RPSA2: variants seen among roughly 807,000 people sequenced by gnomAD.
RPSA2 encodes the protein ribosomal protein SA 2.
chr19:23,781,017 C>T, the RPSA2 span, among the ~76,000 whole-genome samples: 2 of 152,188 alleles, frequency 1.3e-5, no homozygotes, highest in African/African-American at 4.8e-5. Flanking sequence ...CTCTGTCACC[C>T]AGGCTGGAGT....
chr19:23,832,014 TACTA>T, the RPSA2 span: 1 of 427,088 alleles, frequency 2.3e-6, no homozygotes, highest in Non-Finnish European at 4.7e-6. Context: ...CCTCAATCCT[TACTA>T]ATAATAAGAA....
the RPSA2 span, among the ~76,000 whole-genome samples, chr19:23,822,321 G>T: frequency 6.6e-6 from 1 of 152,170 alleles, no homozygotes; most frequent in South Asian, 2.1e-4. Context: ...GACATTAAGG[G>T]TGCCTTCAGG....
At chr19:23,821,479 C>G in the RPSA2 span, among the ~76,000 whole-genome samples, 1 of 152,190 alleles carries the variant, frequency 6.6e-6, no homozygotes, top group Non-Finnish European at 1.5e-5. Context: ...TGGTCTGCCT[C>G]CCAGAGGAGG....
the RPSA2 span, among the ~76,000 whole-genome samples, chr19:23,830,008 T>A: frequency 6.6e-6 from 1 of 151,856 alleles, no homozygotes; most frequent in African/African-American, 2.4e-5. Flanking sequence ...GTAGGGCATA[T>A]GCAGTTCCAA....
chr19:23,812,695 G>A, the RPSA2 span, among the ~76,000 whole-genome samples: 3 of 152,046 alleles, frequency 2.0e-5, no homozygotes, highest in East Asian at 1.9e-4. Context: ...CACTGGGCCC[G>A]ACCTCTTAGC....
the RPSA2 span, among the ~76,000 whole-genome samples, chr19:23,866,188 G>C: frequency 6.6e-6 from 1 of 152,194 alleles, no homozygotes; most frequent in Admixed American, 6.5e-5. Context: ...TTCCTGAAGA[G>C]GGAGTTACAG....
chr19:23,870,292 C>T, the RPSA2 span, among the ~76,000 whole-genome samples: 2 of 152,184 alleles, frequency 1.3e-5, no homozygotes, highest in African/African-American at 4.8e-5. Flanking sequence ...ATGGCTACTT[C>T]AGAGTAAAAT....
chr19:23,775,125 C>G, the RPSA2 span, among the ~76,000 whole-genome samples: 1 of 152,114 alleles, frequency 6.6e-6, no homozygotes, highest in East Asian at 1.9e-4. Flanking sequence ...TATGAAGCCC[C>G]GGGTGGTACA....
the RPSA2 span, among the ~76,000 whole-genome samples, chr19:23,852,831 C>A: frequency 6.6e-6 from 1 of 152,216 alleles, no homozygotes; most frequent in African/African-American, 2.4e-5. Flanking sequence ...TTCAAAGAAT[C>A]TCTCCTAATC....
chr19:23,830,558 ACTT>A, the RPSA2 span, among the ~76,000 whole-genome samples: 1 of 129,216 alleles, frequency 7.7e-6, no homozygotes, highest in Admixed American at 8.6e-5. Context: ...AGTTTGTTGT[ACTT>A]CTTTATTTTT....
At chr19:23,844,480 T>C in the RPSA2 span, among the ~76,000 whole-genome samples, 1 of 152,156 alleles carries the variant, frequency 6.6e-6, no homozygotes, top group Non-Finnish European at 1.5e-5. Flanking sequence ...TGGCTATTTG[T>C]ATGTCTTTAT....
At chr19:23,866,843 G>A in the RPSA2 span, among the ~76,000 whole-genome samples, 1 of 152,290 alleles carries the variant, frequency 6.6e-6, no homozygotes, top group South Asian at 2.1e-4. Context: ...GGCATTTGGG[G>A]ACATTTGCCA....
the RPSA2 span, chr19:23,758,867 C>T: frequency 7.0e-7 from 1 of 1,434,608 alleles, no homozygotes; most frequent in South Asian, 1.2e-5. Flanking sequence ...AGACGAGACC[C>T]GGAGCTCGGG....
the RPSA2 span, chr19:23,809,285 A>C: frequency 1.3e-5 from 2 of 152,270 alleles, no homozygotes; most frequent in East Asian, 1.9e-4. Flanking sequence ...ATATAGTTTG[A>C]AATTATAAAG....
At chr19:23,864,925 G>A in the RPSA2 span, among the ~76,000 whole-genome samples, 3 of 152,060 alleles carry the variant, frequency 2.0e-5, no homozygotes, top group African/African-American at 2.4e-5. Context: ...AATGTGAAGG[G>A]CTCTAGAAGC....
At chr19:23,780,650 A>AAAACAAAACAAAAC in the RPSA2 span, among the ~76,000 whole-genome samples, 1 of 152,016 alleles carries the variant, frequency 6.6e-6, no homozygotes. Context: ...CAAACAAAAC[A>AAAACAAAACAAAAC]AAACAAAACA....
chr19:23,758,614 T>G, the RPSA2 span: 1 of 1,354,590 alleles, frequency 7.4e-7, no homozygotes, highest in Non-Finnish European at 1.1e-6. Flanking sequence ...GCCGCCATCT[T>G]ATGGTCCAAG....
At chr19:23,794,317 C>A in the RPSA2 span, among the ~76,000 whole-genome samples, 2 of 152,202 alleles carry the variant, frequency 1.3e-5, no homozygotes, top group African/African-American at 4.8e-5. Flanking sequence ...CACTCTTTAA[C>A]AGCAGTGTAT....
At chr19:23,758,708 C>T in the RPSA2 span, 2 of 1,614,176 alleles carry the variant, frequency 1.2e-6, no homozygotes, top group Non-Finnish European at 1.7e-6. Context: ...CGCCACAGCC[C>T]CTTCCCCTCT....
Sources: allele counts gnomAD v4.1 joint callset (sites outside exome capture counted in the v4.1 genomes callset), GRCh38; gene constraint gnomAD v4.1.1; transcripts MANE v1.5; gene names NCBI Gene and HGNC (gene_info 2026-07-23, HGNC 2026-07-21).